The following MUC5B variants were observed in gnomAD, a reference collection of about 807,000 sequenced individuals.
The protein encoded by MUC5B is mucin 5B, oligomeric mucus/gel-forming, also known as mucin-5B.
A neutral mutation model predicts 376.9 loss-of-function variants in MUC5B; 116 were observed. The observed-to-expected ratio is 0.31, with a 90% CI of 0.26 to 0.36. MUC5B has a LOEUF of 0.36. MUC5B is among the 10% of genes least tolerant of loss of function. The probability of loss-of-function intolerance (pLI) is 1.00; values close to 1 mark genes in which losing one functional copy is unlikely to be tolerated. For missense variants in MUC5B, 7,165 were observed against 7,769.9 expected, an observed-to-expected ratio of 0.92 and a Z score of 2.93; for synonymous variants, 3,517 against 3,390.9, an observed-to-expected ratio of 1.04 and a Z score of -1.29.
Position 1,250,714 on chromosome 11 carries a change from G to A in MUC5B, c.13834G>A (p.Ala4612Thr). Residue 4612 changes from alanine to threonine, a missense_variant, in exon 31 of 49, where the codon GCA (alanine) becomes ACA (threonine). Ala to Thr is a moderately conservative substitution (Grantham distance 58). Transcript: ENST00000529681. Reference sequence around the variant, plus strand: ...CACCCCCTCCTCCAGCCCAGGGACGGCACTCACGCCTCCAGTGTGGATCAG... The same window carrying A: ...CACCCCCTCCTCCAGCCCAGGGACGACACTCACGCCTCCAGTGTGGATCAG... ...TATPSSSPGT[A>T]LTPPVWISTT... The A allele has an allele frequency of 6.2e-7, 1 of 1,611,780 alleles. No individual in the cohort carries two copies. Among genetic ancestry groups the A allele is most frequent in the Non-Finnish European group, 8.5e-7 (1 of 1,179,108 alleles).
Position 1,244,847 on chromosome 11 carries a change from C to T in MUC5B, c.7967C>T (p.Thr2656Ile), listed in dbSNP as rs1412710965. The T allele has an allele frequency of 6.2e-6, 10 of 1,613,542 alleles. No individual in the cohort carries two copies. The highest frequency in any genetic ancestry group is 1.3e-5 in the African/African-American group (1 of 74,832). ...ACCCCCTCCTCCATCCCGGGGACCACCCACACCCCCACAGTGCTGACCACC... is the reference window on the plus strand; with the variant it reads ...ACCCCCTCCTCCATCCCGGGGACCATCCACACCCCCACAGTGCTGACCACC... ...TVTPSSIPGTTHTPTVLTTTT... is the reference protein window; with the variant it reads ...TVTPSSIPGTIHTPTVLTTTT... Residue 2656 changes from threonine to isoleucine, a missense_variant, in exon 31 of 49, where the codon ACC becomes ATC. Transcript: ENST00000529681.
rs768931527 is a variant in MUC5B, at chr11:1,259,082, C to T, written c.16713+21C>T. The T allele has an allele frequency of 4.8e-5, 74 of 1,541,580 alleles. No individual in the cohort carries two copies. In the South Asian group the frequency reaches 7.7e-4, roughly 16 times the overall value. On this transcript the variant is annotated intron_variant, in intron 44 of 48. Coordinates refer to ENST00000529681, the MANE Select transcript of MUC5B (RefSeq NM_002458.3). Reference sequence around the variant, plus strand: ...CCCAGGTGAGACCCGAGGCACCTGCCCCCAGGTGAGCCCCCGAGGCACCTG... The same window carrying T: ...CCCAGGTGAGACCCGAGGCACCTGCTCCCAGGTGAGCCCCCGAGGCACCTG...
chr11:1,255,627 G>A (rs1271398565), intron 37 of MUC5B, 69 bp downstream of exon 37: 4 of 499,740 alleles, frequency 8.0e-6, no homozygotes, highest in Admixed American at 7.3e-5. Context: ...GGTGAGTGGG[G>A]GCGGCCCCGG....
intron 5 of MUC5B, 56 bp from the exon 6 acceptor site, chr11:1,227,252 T>G: frequency 6.4e-7 from 1 of 1,574,450 alleles, no homozygotes. Flanking sequence ...TTGGGGCATG[T>G]TGCCAGTGTG....
At position 1,250,505 on chromosome 11, in the gene MUC5B, C is replaced by T. The variant is rs770160855; in HGVS notation, c.13625C>T (p.Thr4542Ile). 1.1e-5 allele frequency: 18 copies of T among 1,613,254 alleles called. No homozygotes were observed. The African/African-American group carries it at 1.7e-4, about 16-fold the overall frequency. The change falls in exon 31 of 49, where the codon ACA becomes ATA. Residue 4542 changes from threonine to isoleucine, a missense_variant. Physicochemically the swap from Thr to Ile is moderately conservative, Grantham distance 89. Transcript: ENST00000529681. ...TTWTRLSQTTTPTATMSTATP... is the reference protein window; with the variant it reads ...TTWTRLSQTTIPTATMSTATP... ...TGGACCCGCCTATCACAGACCACCA[C>T]ACCCACGGCCACCATGTCCACAGCC... is the stretch of plus-strand genomic sequence containing the variant.
chr11:1,229,819 C>T lies in MUC5B; in HGVS notation c.1220+12C>T. Reference sequence around the variant, plus strand: ...ACCTGCAGCTCCTGGTACTTATGAGCCCACCAGCCTCCGCCTGGGGTGGGG... The same window carrying T: ...ACCTGCAGCTCCTGGTACTTATGAGTCCACCAGCCTCCGCCTGGGGTGGGG... On this transcript the variant is annotated intron_variant, in intron 10 of 48. Transcript: ENST00000529681. 1.3e-6 allele frequency: 2 copies of T among 1,585,872 alleles called. No homozygotes were observed. Among genetic ancestry groups the T allele is most frequent in the Non-Finnish European group, 1.7e-6 (2 of 1,167,732 alleles).
intron 7 of MUC5B, among the ~76,000 whole-genome samples, chr11:1,228,028 G>A (rs1301538635): frequency 6.6e-6 from 1 of 152,222 alleles, no homozygotes; most frequent in Non-Finnish European, 1.5e-5. Flanking sequence ...GCACAGGCTG[G>A]GCTGAGGGTG....
In MUC5B at chr11:1,243,694, A is replaced by G. The variant is rs763198482; in HGVS notation, c.6814A>G (p.Thr2272Ala). 87 of 1,605,864 alleles carry G rather than the reference A, an allele frequency of 5.4e-5. No individual in the cohort carries two copies. Among genetic ancestry groups the G allele is most frequent in the Non-Finnish European group, 8.5e-7 (1 of 1,178,080 alleles). Residue 2272 changes from threonine to alanine, a missense_variant, in exon 31 of 49, where the codon ACC becomes GCC. Thr to Ala is a moderately conservative substitution (Grantham distance 58). This residue lies in a region of MUC5B where 79 missense variants were observed against 63.0 expected (regional missense o/e 1.25). Coordinates refer to ENST00000529681, the MANE Select transcript of MUC5B (RefSeq NM_002458.3). ...TESPPSPGTT[T>A]PGHTTATSRT... ...GTCACCCCCTTCTCCAGGGACGACC[A>G]CCCCGGGCCACACCACGGCCACCTC...
At chr11:1,224,056 C>T (rs1297592506) in intron 1 of MUC5B, among the ~76,000 whole-genome samples, 3 of 152,176 alleles carry the variant, frequency 2.0e-5, no homozygotes, top group South Asian at 2.1e-4. Context: ...AGCCTGGGCC[C>T]GGGGGGAGCT....
In MUC5B at chr11:1,246,830, C is replaced by T; in HGVS notation, c.9950C>T (p.Thr3317Ile). The T allele has an allele frequency of 1.2e-6, 2 of 1,607,418 alleles. No individual in the cohort carries two copies. The highest frequency in any genetic ancestry group is 2.2e-5 in the South Asian group (2 of 90,880). ...KVPTTTTTGFTATPSSSPGTA... is the reference protein window; with the variant it reads ...KVPTTTTTGFIATPSSSPGTA... ...CCGACTACCACAACCACGGGCTTCA[C>T]AGCCACCCCCTCCTCCAGCCCAGGG... The change falls in exon 31 of 49, where the codon ACA becomes ATA. Residue 3317 changes from threonine to isoleucine, a missense_variant. Physicochemically the swap from Thr to Ile is moderately conservative, Grantham distance 89. Coordinates refer to ENST00000529681, the MANE Select transcript of MUC5B (RefSeq NM_002458.3).
Position 1,231,009 on chromosome 11 carries a change from T to G in MUC5B, c.1540+4T>G. ...ACGCAGCTGCCCCTGTCGGCAGGTA[T>G]GTGGCTCTCCCAGGACGGCCGGGCT... is the stretch of plus-strand genomic sequence containing the variant. On this transcript the variant is annotated splice_donor_region_variant and intron_variant, in intron 13 of 48. Coordinates refer to ENST00000529681, the MANE Select transcript of MUC5B (RefSeq NM_002458.3). 1 of 1,589,312 alleles carries G rather than the reference T, an allele frequency of 6.3e-7. No individual in the cohort carries two copies. Among genetic ancestry groups the G allele is most frequent in the Non-Finnish European group, 8.6e-7 (1 of 1,169,022 alleles).
At chr11:1,240,814 A>G in intron 30 of MUC5B, 37 bp from the exon 31 acceptor site, 1 of 1,557,568 alleles carries the variant, frequency 6.4e-7, no homozygotes, top group Non-Finnish European at 8.7e-7. Context: ...GGACTGGAGG[A>G]TGCTGAGCCA....
intron 31 of MUC5B, 73 bp downstream of exon 31, chr11:1,251,816 G>C (rs1862708938): frequency 3.6e-6 from 4 of 1,116,108 alleles, no homozygotes; most frequent in Non-Finnish European, 5.1e-6. Context: ...CCTGTCCTGG[G>C]AGCCAGTGGC....
chr11:1,247,226 A>C lies in MUC5B; in HGVS notation c.10346A>C (p.Asn3449Thr), dbSNP rs200158850. The C allele has an allele frequency of 2.8e-3, 4,428 of 1,599,416 alleles. 1 individual carries two copies. Among genetic ancestry groups the C allele is most frequent in the African/African-American group, 4.0e-3 (295 of 74,044 alleles). Reference sequence around the variant, plus strand: ...ACCACCCACACACCCCCAGTGCCGAACACCACGGCCACCACACACGGGCGG... The same window carrying C: ...ACCACCCACACACCCCCAGTGCCGACCACCACGGCCACCACACACGGGCGG... ...LGTTHTPPVP[N>T]TTATTHGRSL... The change falls in exon 31 of 49, where the codon AAC becomes ACC. Residue 3449 changes from asparagine to threonine, a missense_variant. Physicochemically the swap from Asn to Thr is moderately conservative, Grantham distance 65. Around this residue, in one of 31 missense-constraint regions of MUC5B, gnomAD observed 939 missense variants for 770.6 expected, o/e 1.22. Transcript: ENST00000529681.
In MUC5B at chr11:1,240,359, C is replaced by G; in HGVS notation, c.3954C>G (p.Val1318=). 1 of 1,600,880 alleles carries G rather than the reference C, an allele frequency of 6.2e-7. No individual in the cohort carries two copies. The highest frequency in any genetic ancestry group is 1.1e-5 in the South Asian group (1 of 89,638). The part of the protein sequence containing the change: ...TTPFTFTTAW[V]PHSTTSPALP... ...CATTCACCTTCACCACCGCCTGGGT[C>G]CCCCACTCCACGACAAGTAAGCCCT... The change falls in exon 30 of 49, where the codon GTC becomes GTG. Residue 1318 remains valine, a synonymous_variant. Coordinates refer to ENST00000529681, the MANE Select transcript of MUC5B (RefSeq NM_002458.3).
chr11:1,223,262 C>T (rs56223695), intron 1 of MUC5B, 69 bp downstream of exon 1: 20,831 of 700,994 alleles, frequency 0.03, 493 homozygotes, highest in South Asian at 0.061. Flanking sequence ...GGTCGCTTGC[C>T]TGGGAGCTTC....
Position 1,242,047 on chromosome 11 carries a change from G to C in MUC5B, c.5167G>C (p.Ala1723Pro), listed in dbSNP as rs1862299155. 6.3e-7 allele frequency: 1 copy of C among 1,593,780 alleles called. No homozygotes were observed. The highest frequency in any genetic ancestry group is 1.1e-5 in the South Asian group (1 of 88,786). Residue 1723 changes from alanine to proline, a missense_variant, in exon 31 of 49, where the codon GCA (alanine) becomes CCA (proline). By Grantham distance (27) the Ala-to-Pro change is conservative (BLOSUM62 -1). Around this residue, in one of 31 missense-constraint regions of MUC5B, gnomAD observed 897 missense variants for 779.6 expected, o/e 1.15. Transcript: ENST00000529681. Reference sequence around the variant, plus strand: ...ACCCACGCTGGCCCCAACAACAATGGCAACCTCCAGAGCTCGCCCGACAGG... The same window carrying C: ...ACCCACGCTGGCCCCAACAACAATGCCAACCTCCAGAGCTCGCCCGACAGG... ...QPPTLAPTTM[A>P]TSRARPTGTA...
In MUC5B at chr11:1,256,144, C is replaced by T; in HGVS notation, c.16067-12C>T. The T allele has an allele frequency of 1.4e-6, 1 of 726,436 alleles. No individual in the cohort carries two copies. Among genetic ancestry groups the T allele is most frequent in the Non-Finnish European group, 2.6e-6 (1 of 390,878 alleles). 45.0% of individuals were successfully genotyped at this position (726,436 alleles called of 1,614,324 possible). ...ACCCCTTGGCTTGTCTGACACCTCTCTGTGCCCACAGACCTCACCTGCCCA... is the reference window on the plus strand; with the variant it reads ...ACCCCTTGGCTTGTCTGACACCTCTTTGTGCCCACAGACCTCACCTGCCCA... On this transcript the variant is annotated splice_polypyrimidine_tract_variant and intron_variant, in intron 37 of 48. Coordinates refer to ENST00000529681, the MANE Select transcript of MUC5B (RefSeq NM_002458.3).
At position 1,242,642 on chromosome 11, in the gene MUC5B, G is replaced by A; in HGVS notation, c.5762G>A (p.Gly1921Glu). The change falls in exon 31 of 49, where the codon GGA (glycine) becomes GAA (glutamate). Residue 1921 changes from glycine (G) to glutamate (E), a missense_variant. Gly to Glu is a moderately conservative substitution (Grantham distance 98). This residue lies in a region of MUC5B where 897 missense variants were observed against 779.6 expected (regional missense o/e 1.15). Transcript: ENST00000529681. ...ACAGCCACTACGACTGCGTCCACTG[G>A]ATCCACGGCCACCCCGACCTCCACC... Reference protein sequence around the residue: ...TTTATTTASTGSTATPTSTLR... With the variant: ...TTTATTTASTESTATPTSTLR... The A allele has an allele frequency of 6.2e-7, 1 of 1,613,500 alleles. No homozygotes were observed. Among genetic ancestry groups the A allele is most frequent in the Non-Finnish European group, 8.5e-7 (1 of 1,179,726 alleles).
Sources: gnomAD v4.1 joint callset for allele counts (sites outside exome capture counted in the v4.1 genomes callset) on GRCh38, gnomAD v4.1.1 for gene constraint, gnomAD v4.1.1 regional missense constraint, MANE v1.5 for transcripts, NCBI Gene and HGNC (gene_info 2026-07-23, HGNC 2026-07-21) for gene names.